The following CMPK2 variants were observed in gnomAD, a reference collection of about 807,000 sequenced individuals.
The protein encoded by CMPK2 is cytidine/uridine monophosphate kinase 2, also known as UMP-CMP kinase 2, mitochondrial.
Under a neutral mutation model 33.4 loss-of-function variants are expected in CMPK2, and 32 were observed. The observed-to-expected ratio is 0.96, with a 90% confidence interval of 0.72 to 1.29. CMPK2 has a LOEUF of 1.29. Among genes scored for constraint, CMPK2 ranks in the 50% most tolerant of loss-of-function variants. The pLI, the probability that CMPK2 is intolerant of heterozygous loss-of-function variation, is 0.00. For synonymous variants in CMPK2, 299 were observed against 275.3 expected, an observed-to-expected ratio of 1.09 and a Z score of -0.85; for missense variants, 672 against 616.0, an observed-to-expected ratio of 1.09 and a Z score of -0.96.
intron 3 of CMPK2, among the ~76,000 whole-genome samples, chr2:6,853,637 A>C (rs4669104): frequency 1 from 151,942 of 152,308 alleles, 75,793 homozygotes; most frequent in Middle Eastern, 1. Context: ...CTGAAAAGGA[A>C]ACAAGTAAAA....
chr2:6,865,235 C>T lies in CMPK2; in HGVS notation c.462G>A (p.Gln154=). Residue 154 remains glutamine, a synonymous_variant, in exon 1 of 5, where the codon CAG becomes CAA. Transcript: ENST00000256722. ...CGCCCAAGTGCGGGCGTGGTGCCTC[C>T]TGACAGGCGCCCAGCAGCTCGAGCA... is the stretch of plus-strand genomic sequence containing the variant. ...QALLELLGAC[Q]EAPRPHLGEF... 6.5e-7 allele frequency: 1 copy of T among 1,536,560 alleles called. No homozygotes were observed. Among genetic ancestry groups the T allele is most frequent in the East Asian group, 2.5e-5 (1 of 39,514 alleles).
chr2:6,843,408 T>C (rs1662279074), downstream of CMPK2, among the ~76,000 whole-genome samples: 1 of 152,290 alleles, frequency 6.6e-6, no homozygotes. Context: ...ACAAGGGTTG[T>C]TGCAAGGTCC....
intron 3 of CMPK2, among the ~76,000 whole-genome samples, chr2:6,860,580 T>G (rs1662842360): frequency 6.6e-6 from 1 of 152,206 alleles, no homozygotes; most frequent in South Asian, 2.1e-4. Flanking sequence ...GAGACATGCT[T>G]TGTACCTTCC....
In CMPK2 at chr2:6,863,513, G is replaced by A. The variant is rs1662944058; in HGVS notation, c.741C>T (p.Ile247=). The A allele has an allele frequency of 1.2e-6, 2 of 1,614,022 alleles. No individual in the cohort carries two copies. The highest frequency in any genetic ancestry group is 2.7e-5 in the African/African-American group (2 of 74,906). ...LDLVDQCPKQ[I]QKGKFQVVAI... Reference sequence around the variant, plus strand: ...CAACAACCTGGAACTTTCCTTTCTGGATCTGTTTTGGGCACTGGTCGACCA... The same window carrying A: ...CAACAACCTGGAACTTTCCTTTCTGAATCTGTTTTGGGCACTGGTCGACCA... The change falls in exon 2 of 5, where the codon ATC becomes ATT. Residue 247 remains isoleucine (I), a synonymous_variant. Coordinates refer to ENST00000256722, the MANE Select transcript of CMPK2 (RefSeq NM_207315.4).
At chr2:6,860,709 A>G (rs1339025930) in intron 3 of CMPK2, among the ~76,000 whole-genome samples, 3 of 152,198 alleles carry the variant, frequency 2.0e-5, no homozygotes, top group Admixed American at 1.3e-4. Context: ...GGACTAATAC[A>G]CTGGTTTATC....
In CMPK2 at chr2:6,863,490, AC is replaced by A; in HGVS notation, c.763del (p.Val255LeufsTer14). 1 of 1,614,214 alleles carries A rather than the reference AC, an allele frequency of 6.2e-7. No homozygotes were observed. Among genetic ancestry groups the A allele is most frequent in the Non-Finnish European group, 8.5e-7 (1 of 1,180,032 alleles). ...CGTGGCATCCAGTCCTTCGATGGCA[AC>A]AACCTGGAACTTTCCTTTCTGGATC... ...KQIQKGKFQV[V>X]AIEGLDATGK... On this transcript the variant is annotated frameshift_variant, in exon 2 of 5. Coordinates refer to ENST00000256722, the MANE Select transcript of CMPK2 (RefSeq NM_207315.4). LOFTEE classifies it high-confidence loss of function.
At chr2:6,851,421 C>T in intron 4 of CMPK2, 29 bp downstream of exon 4, 1 of 1,613,986 alleles carries the variant, frequency 6.2e-7, no homozygotes, top group Non-Finnish European at 8.5e-7. Context: ...ATGCCTGCCG[C>T]TCACATTGCA....
At position 6,863,494 on chromosome 2, in the gene CMPK2, C is replaced by T. The variant is rs1662943410; in HGVS notation, c.760G>A (p.Val254Ile). Residue 254 changes from valine to isoleucine, a missense_variant, in exon 2 of 5, where the codon GTT becomes ATT. Physicochemically the swap from Val to Ile is conservative, Grantham distance 29. Coordinates refer to ENST00000256722, the MANE Select transcript of CMPK2 (RefSeq NM_207315.4). ...GCATCCAGTCCTTCGATGGCAACAA[C>T]CTGGAACTTTCCTTTCTGGATCTGT... ...PKQIQKGKFQ[V>I]VAIEGLDATG... The T allele has an allele frequency of 6.2e-7, 1 of 1,614,048 alleles. No individual in the cohort carries two copies. Among genetic ancestry groups the T allele is most frequent in the Non-Finnish European group, 8.5e-7 (1 of 1,180,040 alleles).
intron 3 of CMPK2, among the ~76,000 whole-genome samples, chr2:6,857,643 T>TG (rs942162810): frequency 6.7e-6 from 1 of 148,624 alleles, no homozygotes; most frequent in Non-Finnish European, 1.5e-5. Context: ...TCTTTTCTTT[T>TG]TTTTTTTTTT....
Position 6,848,498 on chromosome 2 carries a change from T to G in CMPK2, c.*1352A>C, listed in dbSNP as rs762347445. ...GCTATTTATCAGCTTTAAAATACTT[T>G]CAACTGAAATCAATTACATTTTAAT... is the stretch of plus-strand genomic sequence containing the variant. On this transcript the variant is annotated 3_prime_UTR_variant, in exon 5 of 5. Transcript: ENST00000256722. The G allele has an allele frequency of 2.2e-4, 209 of 970,962 alleles. No individual in the cohort carries two copies. The highest frequency in any genetic ancestry group is 2.4e-4 in the Non-Finnish European group (199 of 816,808). 60.1% of individuals were successfully genotyped at this position (970,962 alleles called of 1,614,324 possible). A position where few individuals can be genotyped will look rare whatever the true frequency, so the allele number is the denominator to read the frequency against.
In CMPK2 at chr2:6,848,573, A is replaced by C; in HGVS notation, c.*1277T>G. The C allele has an allele frequency of 1.0e-6, 1 of 953,860 alleles. No individual in the cohort carries two copies. Among genetic ancestry groups the C allele is most frequent in the Non-Finnish European group, 1.2e-6 (1 of 801,220 alleles). The allele number at this position is 953,860 out of a possible 1,614,324, so 59.1% of individuals were successfully genotyped here. On this transcript the variant is annotated 3_prime_UTR_variant, in exon 5 of 5. Transcript: ENST00000256722. The stretch of plus-strand genomic sequence containing the variant: ...CTATAGCTCTTTTAAAAATCCTATG[A>C]CATTAACATGAAACTTTATTAGAAT...
chr2:6,861,559 T>C (rs1304035085), intron 2 of CMPK2, among the ~76,000 whole-genome samples, 174 bp from the exon 3 acceptor site: 2 of 152,200 alleles, frequency 1.3e-5, no homozygotes, highest in African/African-American at 4.8e-5. Context: ...CGTGTGGTAT[T>C]AGGAAACCCG....
At chr2:6,842,846 T>C (rs1011956491) in intron 3 of CMPK2, among the ~76,000 whole-genome samples, 7 of 152,196 alleles carry the variant, frequency 4.6e-5, no homozygotes, top group African/African-American at 1.7e-4. Flanking sequence ...GGAAAGAGGC[T>C]GAATCCTCTT....
exon 4 of CMPK2, chr2:6,840,598 G>A: frequency 1.4e-6 from 1 of 702,242 alleles, no homozygotes; most frequent in Non-Finnish European, 2.6e-6. Flanking sequence ...CGAGTGTGAT[G>A]AATCCAAGAT....
At chr2:6,855,906 G>T (rs1226442326) in intron 3 of CMPK2, among the ~76,000 whole-genome samples, 1 of 152,176 alleles carries the variant, frequency 6.6e-6, no homozygotes, top group Non-Finnish European at 1.5e-5. Flanking sequence ...AGGAGTAGTA[G>T]TTCTGTGTCC....
intron 2 of CMPK2, among the ~76,000 whole-genome samples, 155 bp downstream of exon 2, chr2:6,863,309 C>A (rs1413185871): frequency 6.6e-6 from 1 of 152,224 alleles, no homozygotes; most frequent in Non-Finnish European, 1.5e-5. Context: ...TCTTATTCAT[C>A]TCTGCATCCC....
Position 6,865,788 on chromosome 2 carries a change from C to T in CMPK2, c.-92G>A. 1 of 1,260,510 alleles carries T rather than the reference C, an allele frequency of 7.9e-7. No homozygotes were observed. Among genetic ancestry groups the T allele is most frequent in the Admixed American group, 4.4e-5 (1 of 22,898 alleles). The allele number at this position is 1,260,510 out of a possible 1,614,324, so 78.1% of individuals were successfully genotyped here. ...GCGGGAAACGAAACCCGGAGGGAGCCAGGCGCCAGCGGGAAACGAAAGCGA... is the reference window on the plus strand; with the variant it reads ...GCGGGAAACGAAACCCGGAGGGAGCTAGGCGCCAGCGGGAAACGAAAGCGA... On this transcript the variant is annotated 5_prime_UTR_variant, in exon 1 of 5. Transcript: ENST00000256722.
At chr2:6,846,074 G>C (rs1165885870), downstream of CMPK2, among the ~76,000 whole-genome samples, 1 of 152,194 alleles carries the variant, frequency 6.6e-6, no homozygotes, top group Non-Finnish European at 1.5e-5. Flanking sequence ...GGATGATAAG[G>C]CTCCCCAGGG....
chr2:6,859,092 G>A (rs938319744), intron 3 of CMPK2, among the ~76,000 whole-genome samples: 2 of 152,220 alleles, frequency 1.3e-5, no homozygotes, highest in Non-Finnish European at 2.9e-5. Context: ...AGAGACTGGC[G>A]GCATTTAGCC....
Sources: allele counts gnomAD v4.1 joint callset (sites outside exome capture counted in the v4.1 genomes callset), GRCh38; gene constraint gnomAD v4.1.1; transcripts MANE v1.5; gene names NCBI Gene and HGNC (gene_info 2026-07-23, HGNC 2026-07-21).